CHST11: variants seen among roughly 807,000 people sequenced by gnomAD.
CHST11 encodes C4S-1.
CHST11 carries 9 observed loss-of-function variants against 30.4 expected under a neutral mutation model. The observed-to-expected ratio is 0.30, with a 90% CI of 0.18 to 0.52. The LOEUF (loss-of-function observed/expected upper bound fraction) is 0.52. Ranked by LOEUF, CHST11 falls within the 20% of genes least tolerant of loss-of-function variation. The probability of loss-of-function intolerance (pLI) is 0.97; values close to 1 mark genes in which losing one functional copy is unlikely to be tolerated. For missense variants in CHST11, 348 were observed against 460.6 expected (o/e 0.76, Z 2.24); for synonymous variants, 152 against 187.8 (o/e 0.81, Z 1.56).
chr12:104,500,150 T>C (rs1212948698), intron 1 of CHST11, among the ~76,000 whole-genome samples: 1 of 152,226 alleles, frequency 6.6e-6, no homozygotes, highest in Non-Finnish European at 1.5e-5. Context: ...GAGAAGTTCT[T>C]GCTTCATCTC....
rs1156452939 is a variant in CHST11 at position 104,457,357 on chromosome 12, C to T, written c.-55C>T. 1.5e-6 allele frequency: 2 copies of T among 1,373,370 alleles called. No homozygotes were observed. The highest frequency in any genetic ancestry group is 2.1e-6 in the Non-Finnish European group (2 of 971,524). 85.1% of individuals were successfully genotyped at this position (1,373,370 alleles called of 1,614,324 possible). A position where few individuals can be genotyped will look rare whatever the true frequency, so the allele number is the denominator to read the frequency against. ...GGTCCGCGCGGCGGGGTCCCTGCTC[C>T]TGCGCCCCGGGCGCGCTTCCCGGAC... is the stretch of plus-strand genomic sequence containing the variant. On this transcript the variant is annotated 5_prime_UTR_variant, in exon 1 of 3. Transcript: ENST00000303694.
rs1388834308 is a variant in CHST11, at chr12:104,458,548, G to C, written c.118+1019G>C. Reference sequence around the variant, plus strand: ...CGCGGCGGCCGGGGGTGAGCAGCTCGGCTGCGAAGCCCAACAGGTAGAACG... The same window carrying C: ...CGCGGCGGCCGGGGGTGAGCAGCTCCGCTGCGAAGCCCAACAGGTAGAACG... On this transcript the variant is annotated intron_variant, in intron 1 of 2. Transcript: ENST00000303694. The surrounding 1 kb of genome is among the most constrained non-coding windows in gnomAD (Gnocchi z 5.7). Among the ~76,000 whole-genome samples, 1 of 152,220 alleles carries C rather than the reference G, an allele frequency of 6.6e-6. No homozygotes were observed. Among genetic ancestry groups the C allele is most frequent in the Non-Finnish European group, 1.5e-5 (1 of 68,038 alleles).
chr12:104,713,874 A>T (rs55982778), intron 2 of CHST11, among the ~76,000 whole-genome samples: 1,611 of 152,324 alleles, frequency 0.011, 37 homozygotes, highest in African/African-American at 0.036. Context: ...GCTAGGGTGT[A>T]GAGAGATACG....
intron 1 of CHST11, among the ~76,000 whole-genome samples, chr12:104,505,766 G>T (rs779730083): frequency 6.6e-6 from 1 of 152,168 alleles, no homozygotes; most frequent in Non-Finnish European, 1.5e-5. Flanking sequence ...AAATGTAGCC[G>T]TTCCTTTCAC....
intron 1 of CHST11, among the ~76,000 whole-genome samples, chr12:104,579,633 T>A (rs2038719614): frequency 6.6e-6 from 1 of 152,214 alleles, no homozygotes; most frequent in South Asian, 2.1e-4. Flanking sequence ...GTGGGTAACT[T>A]TCATTTGTCA....
rs138102890 is a variant in CHST11, at chr12:104,532,996, G to C, written c.119-68910G>C. 4.3e-3 allele frequency among the ~76,000 whole-genome samples: 661 copies of C among 152,164 alleles called. 6 individuals are homozygous for C. The highest frequency in any genetic ancestry group is 0.015 in the African/African-American group (618 of 41,500). Reference sequence around the variant, plus strand: ...TCGCTATGTTGCCCAGGCTGGTCTTGAACTCCTGGGCTCAAGCAAACCTCC... The same window carrying C: ...TCGCTATGTTGCCCAGGCTGGTCTTCAACTCCTGGGCTCAAGCAAACCTCC... On this transcript the variant is annotated intron_variant, in intron 1 of 2. Coordinates refer to ENST00000303694, the MANE Select transcript of CHST11 (RefSeq NM_018413.6).
chr12:104,528,108 G>A (rs1304263267), intron 1 of CHST11, among the ~76,000 whole-genome samples: 2 of 152,182 alleles, frequency 1.3e-5, no homozygotes, highest in Non-Finnish European at 2.9e-5. Flanking sequence ...TTCACAGGGT[G>A]TTAATAGCTT....
chr12:104,701,922 A>G (rs1470519542), intron 2 of CHST11, among the ~76,000 whole-genome samples: 2 of 152,166 alleles, frequency 1.3e-5, no homozygotes, highest in African/African-American at 4.8e-5. Context: ...TATTGCTTCA[A>G]GTGGAGTTCA....
At chr12:104,642,894 C>T (rs1209007195) in intron 2 of CHST11, among the ~76,000 whole-genome samples, 4 of 151,944 alleles carry the variant, frequency 2.6e-5, no homozygotes, top group Non-Finnish European at 4.4e-5. Flanking sequence ...GATATGTAGT[C>T]AAGTAGAGGT....
intron 1 of CHST11, among the ~76,000 whole-genome samples, chr12:104,568,693 A>G (rs2038593838): frequency 6.6e-6 from 1 of 152,174 alleles, no homozygotes; most frequent in South Asian, 2.1e-4. Flanking sequence ...TGCAGGCAGT[A>G]TTATCTCCAT....
chr12:104,636,420 T>C (rs1448056169), intron 2 of CHST11, among the ~76,000 whole-genome samples: 2 of 152,330 alleles, frequency 1.3e-5, no homozygotes, highest in East Asian at 1.9e-4. Context: ...CTGTTCTCCA[T>C]GTTCTCTCCA....
intron 2 of CHST11, among the ~76,000 whole-genome samples, chr12:104,646,049 A>G (rs1276526930): frequency 1.3e-5 from 2 of 152,210 alleles, no homozygotes; most frequent in Non-Finnish European, 2.9e-5. Flanking sequence ...CGCATGCAGG[A>G]TGCTGCCGGC....
chr12:104,706,061 G>T (rs138554027), intron 2 of CHST11, among the ~76,000 whole-genome samples: 72 of 152,150 alleles, frequency 4.7e-4, no homozygotes, highest in South Asian at 1.0e-3. Context: ...ACTCCAGCTG[G>T]GGAGACAGAA....
chr12:104,671,993 A>G (rs2039702079), intron 2 of CHST11, among the ~76,000 whole-genome samples: 1 of 152,194 alleles, frequency 6.6e-6, no homozygotes, highest in South Asian at 2.1e-4. Flanking sequence ...CCCAGGCAGC[A>G]TTCCTTCTGA....
chr12:104,608,931 C>T (rs2039032333), intron 2 of CHST11, among the ~76,000 whole-genome samples: 1 of 152,208 alleles, frequency 6.6e-6, no homozygotes, highest in African/African-American at 2.4e-5. Flanking sequence ...GTGAAAGGGA[C>T]CCTTGAGCCA....
At chr12:104,633,397 C>T (rs1349558216) in intron 2 of CHST11, among the ~76,000 whole-genome samples, 1 of 149,826 alleles carries the variant, frequency 6.7e-6, no homozygotes, top group East Asian at 2.0e-4. Context: ...ACTGCATGTG[C>T]TCCTCTCCCT....
At chr12:104,504,546 AG>A (rs1312428435) in intron 1 of CHST11, among the ~76,000 whole-genome samples, 8 of 152,152 alleles carry the variant, frequency 5.3e-5, no homozygotes, top group African/African-American at 1.9e-4. Context: ...CTGGGTAGGG[AG>A]GAGGCCTGGG....
In CHST11 at chr12:104,617,663, G is replaced by T. The variant is rs140489576; in HGVS notation, c.204+15672G>T. 3.1e-3 allele frequency among the ~76,000 whole-genome samples: 473 copies of T among 152,302 alleles called. 2 individuals carry two copies. The highest frequency in any genetic ancestry group is 0.01 in the African/African-American group (436 of 41,560). ...AGTTCAGCTAACAAGGCCACAAAGT[G>T]TAACAGTTAAAACTGTGGGTTCTCA... On this transcript the variant is annotated intron_variant, in intron 2 of 2. Transcript: ENST00000303694.
Position 104,729,840 on chromosome 12 carries a change from G to T in CHST11, c.205-27109G>T, listed in dbSNP as rs192342064. 6.2e-3 allele frequency among the ~76,000 whole-genome samples: 951 copies of T among 152,302 alleles called. 16 individuals carry two copies. Among genetic ancestry groups the T allele is most frequent in the African/African-American group, 0.021 (892 of 41,562 alleles). On this transcript the variant is annotated intron_variant, in intron 2 of 2. Transcript: ENST00000303694. The surrounding 1 kb of genome is among the most constrained non-coding windows in gnomAD (Gnocchi z 4.0). ...GAGGAGCAGCACAGGCCATCTGGAT[G>T]GGGGAGCCCCTGGTGAGCAAGGTCC... is the stretch of plus-strand genomic sequence containing the variant.
Sources: gnomAD v4.1 joint callset for allele counts (sites outside exome capture counted in the v4.1 genomes callset) on GRCh38, gnomAD v4.1.1 for gene constraint, Gnocchi (gnomAD v3.1) non-coding constraint, MANE v1.5 for transcripts, NCBI Gene and HGNC (gene_info 2026-07-23, HGNC 2026-07-21) for gene names.